GRAMD2B: variants seen among roughly 807,000 people sequenced by gnomAD.
GRAMD2B encodes the protein GRAM domain containing 2B, also known as GRAM domain-containing protein 2B.
A neutral mutation model predicts 59.2 loss-of-function variants in GRAMD2B; 41 were observed. That is an observed-to-expected ratio of 0.69 (90% CI 0.54 to 0.90). The LOEUF is 0.90. Ranked by LOEUF, GRAMD2B falls within the 40% of genes least tolerant of loss-of-function variation. The probability of loss-of-function intolerance (pLI) is 0.00; values close to 1 mark genes in which losing one functional copy is unlikely to be tolerated. For synonymous variants in GRAMD2B, 161 were observed against 182.7 expected (o/e 0.88, Z 0.96); for missense variants, 424 against 500.5 (o/e 0.85, Z 1.46).
At chr5:126,479,586 G>T (rs1029724905) in intron 6 of GRAMD2B, among the ~76,000 whole-genome samples, 2 of 152,082 alleles carry the variant, frequency 1.3e-5, no homozygotes, top group Non-Finnish European at 2.9e-5. Flanking sequence ...AAGTTAGAGG[G>T]GTTAAGCAAT....
intron 9 of GRAMD2B, among the ~76,000 whole-genome samples, chr5:126,483,990 G>C (rs932558495): frequency 3.5e-4 from 54 of 152,174 alleles, no homozygotes; most frequent in African/African-American, 1.2e-3. Context: ...CATCAAGCCC[G>C]GCTAATTTTT....
intron 1 of GRAMD2B, among the ~76,000 whole-genome samples, chr5:126,387,487 T>C (rs1489121849): frequency 6.6e-6 from 1 of 151,682 alleles, no homozygotes; most frequent in Non-Finnish European, 1.5e-5. Flanking sequence ...GAGAAGATGG[T>C]TCTCCATCTG....
intron 1 of GRAMD2B, among the ~76,000 whole-genome samples, chr5:126,401,894 G>A (rs1015032179): frequency 2.6e-5 from 4 of 151,984 alleles, no homozygotes; most frequent in Admixed American, 2.6e-4. Flanking sequence ...ATTAAATATT[G>A]AGGTAACCCT....
At chr5:126,413,610 A>C (rs1759017648) in intron 1 of GRAMD2B, among the ~76,000 whole-genome samples, 1 of 152,098 alleles carries the variant, frequency 6.6e-6, no homozygotes, top group African/African-American at 2.4e-5. Context: ...GATGTCTCTT[A>C]GGTCCAATTA....
At chr5:126,491,789 A>G (rs1773986956) in intron 13 of GRAMD2B, among the ~76,000 whole-genome samples, 3 of 151,278 alleles carry the variant, frequency 2.0e-5, no homozygotes, top group African/African-American at 2.4e-5. Context: ...GCTGGAGTGC[A>G]GTGCCGCAAT....
At chr5:126,399,710 A>G (rs939165859) in intron 1 of GRAMD2B, among the ~76,000 whole-genome samples, 3 of 152,190 alleles carry the variant, frequency 2.0e-5, no homozygotes, top group African/African-American at 7.2e-5. Flanking sequence ...TTTCTGTTGA[A>G]TTGACCCTTT....
intron 3 of GRAMD2B, among the ~76,000 whole-genome samples, chr5:126,470,842 G>A (rs545262118): frequency 6.6e-6 from 1 of 152,254 alleles, no homozygotes; most frequent in East Asian, 1.9e-4. Context: ...TTACGAGCAT[G>A]AGCCACCGCA....
chr5:126,487,103 G>A, intron 12 of GRAMD2B, 126 bp downstream of exon 12: 1 of 620,122 alleles, frequency 1.6e-6, no homozygotes, highest in Non-Finnish European at 2.9e-6. Context: ...ATTTTGTTAA[G>A]TGTATATGTG....
chr5:126,404,723 C>T (rs576176158), intron 1 of GRAMD2B, among the ~76,000 whole-genome samples: 20 of 151,728 alleles, frequency 1.3e-4, no homozygotes, highest in Non-Finnish European at 2.9e-4. Context: ...AATGATTAAG[C>T]ATTGATCTTG....
chr5:126,421,105 G>A (rs1242442462), upstream of GRAMD2B, among the ~76,000 whole-genome samples: 2 of 152,168 alleles, frequency 1.3e-5, no homozygotes, highest in Non-Finnish European at 2.9e-5. Flanking sequence ...AAGAGTTATT[G>A]TTTAATGTAT....
At chr5:126,439,833 G>T (rs529203213) in intron 1 of GRAMD2B, among the ~76,000 whole-genome samples, 12 of 152,208 alleles carry the variant, frequency 7.9e-5, no homozygotes, top group African/African-American at 2.9e-4. Flanking sequence ...ATGGGAGCAG[G>T]TTTTTCCCAT....
At chr5:126,432,442 A>G (rs1427707885) in intron 1 of GRAMD2B, among the ~76,000 whole-genome samples, 1 of 152,230 alleles carries the variant, frequency 6.6e-6, no homozygotes, top group Non-Finnish European at 1.5e-5. Flanking sequence ...TTGTGTTTCT[A>G]CAAATGATTC....
intron 1 of GRAMD2B, among the ~76,000 whole-genome samples, chr5:126,391,850 G>T (rs772259049): frequency 1.3e-5 from 2 of 152,006 alleles, no homozygotes; most frequent in Non-Finnish European, 2.9e-5. Flanking sequence ...TTCTGTTTGT[G>T]GTACTAAAAT....
chr5:126,481,519 G>A (rs1389436773), intron 8 of GRAMD2B, among the ~76,000 whole-genome samples: 1 of 152,114 alleles, frequency 6.6e-6, no homozygotes, highest in African/African-American at 2.4e-5. Context: ...AAAGTAATGG[G>A]ATTGAAAGCG....
At chr5:126,391,319 C>CAAGAAAAAAAAAAAAAAA in intron 1 of GRAMD2B, among the ~76,000 whole-genome samples, 1 of 76,350 alleles carries the variant, frequency 1.3e-5, no homozygotes, top group Non-Finnish European at 2.6e-5. Flanking sequence ...GACTCCATCT[C>CAAGAAAAAAAAAAAAAAA]AAAAAAAAAA....
At chr5:126,371,701 A>T in intron 1 of GRAMD2B, 1 of 741,782 alleles carries the variant, frequency 1.3e-6, no homozygotes, top group Non-Finnish European at 1.8e-6. Context: ...GGTGCAGCCT[A>T]GGCATCCTGA....
In GRAMD2B at chr5:126,395,727, G is replaced by T. The variant is rs2149730012; in HGVS notation, c.125+24160G>T. ...ATTCAAAAGCAGCAAGAGAGAGCCTGCTACTCAGTTTCCAGAACAAGAGGG... is the reference window on the plus strand; with the variant it reads ...ATTCAAAAGCAGCAAGAGAGAGCCTTCTACTCAGTTTCCAGAACAAGAGGG... On this transcript the variant is annotated intron_variant, in intron 1 of 8. Transcript: ENST00000506445. Among the ~76,000 whole-genome samples the T allele has an allele frequency of 4.6e-5, 7 of 152,244 alleles. No individual in the cohort carries two copies. In the South Asian group the frequency reaches 1.4e-3, roughly 32 times the overall value.
At position 126,485,681 on chromosome 5, in the gene GRAMD2B, A is replaced by C. The variant is rs1204859983; in HGVS notation, c.971-5A>C. 6.2e-7 allele frequency: 1 copy of C among 1,604,430 alleles called. No homozygotes were observed. The highest frequency in any genetic ancestry group is 1.3e-5 in the African/African-American group (1 of 74,790). On this transcript the variant is annotated splice_region_variant and splice_polypyrimidine_tract_variant and intron_variant, in intron 10 of 13. Transcript: ENST00000285689. ...AACAGTTGTTTTTTGTTTTCCTCCC[A>C]ACAGGTCTGTCAGAAACTGTTGGAA...
chr5:126,360,357 A>G (rs1754161941), exon 1 of GRAMD2B: 1 of 1,551,336 alleles, frequency 6.4e-7, no homozygotes, highest in Non-Finnish European at 8.7e-7. Flanking sequence ...CAAGTCCTAC[A>G]AGCAAAAAGG....
Sources: gnomAD v4.1 joint callset for allele counts (sites outside exome capture counted in the v4.1 genomes callset) on GRCh38, gnomAD v4.1.1 for gene constraint, MANE v1.5 for transcripts, NCBI Gene and HGNC (gene_info 2026-07-23, HGNC 2026-07-21) for gene names.